COL25A1: variants seen among roughly 807,000 people sequenced by gnomAD.
COL25A1 encodes the protein collagen alpha-1(XXV) chain.
A neutral mutation model predicts 128.4 loss-of-function variants in COL25A1; 103 were observed. The observed-to-expected ratio is 0.80, with a 90% CI of 0.68 to 0.94. COL25A1 has a LOEUF of 0.94. Ranked by LOEUF, COL25A1 falls within the 40% of genes least tolerant of loss-of-function variation. The pLI, the probability that COL25A1 is intolerant of heterozygous loss-of-function variation, is 0.00. For synonymous variants in COL25A1, 279 were observed against 277.2 expected, an observed-to-expected ratio of 1.01 and a Z score of -0.06; for missense variants, 745 against 840.0, an observed-to-expected ratio of 0.89 and a Z score of 1.40.
At chr4:109,239,416 A>ATG (rs1358616855) in intron 3 of COL25A1, among the ~76,000 whole-genome samples, 2 of 135,658 alleles carry the variant, frequency 1.5e-5, no homozygotes, top group African/African-American at 2.8e-5. Context: ...ATATATATAT[A>ATG]TATATATTTA....
At chr4:108,863,851 A>C (rs1737560199) in intron 20 of COL25A1, among the ~76,000 whole-genome samples, 1 of 152,042 alleles carries the variant, frequency 6.6e-6, no homozygotes, top group Non-Finnish European at 1.5e-5. Context: ...GGATTTTGGG[A>C]CTTGTACCAG....
At chr4:108,855,191 G>GGTT (rs1736333336) in intron 24 of COL25A1, among the ~76,000 whole-genome samples, 1 of 131,950 alleles carries the variant, frequency 7.6e-6, no homozygotes, top group Non-Finnish European at 1.6e-5. Context: ...TGTTGTTACT[G>GGTT]TTTTTTTTTT....
intron 31 of COL25A1, among the ~76,000 whole-genome samples, chr4:108,832,973 T>TAATAAATAAATAAATA (rs67907672): frequency 0.32 from 33,795 of 105,858 alleles, 4,141 homozygotes; most frequent in East Asian, 0.46. Flanking sequence ...TCTCAAAAAA[T>TAATAAATAAATAAATA]AATAAATAAA....
intron 5 of COL25A1, among the ~76,000 whole-genome samples, chr4:109,029,433 A>G (rs1263761180): frequency 6.6e-6 from 1 of 152,224 alleles, no homozygotes; most frequent in Non-Finnish European, 1.5e-5. Context: ...GCATTTTGTC[A>G]TCTCACATCA....
chr4:108,928,455 CA>C (rs1746326566), intron 11 of COL25A1, among the ~76,000 whole-genome samples: 1 of 152,112 alleles, frequency 6.6e-6, no homozygotes, highest in African/African-American at 2.4e-5. Context: ...GGCTACTGAG[CA>C]CCTGAAATGT....
chr4:108,937,504 T>C (rs752051247), intron 11 of COL25A1, among the ~76,000 whole-genome samples: 2 of 152,178 alleles, frequency 1.3e-5, no homozygotes, highest in Non-Finnish European at 2.9e-5. Context: ...TTTAAGCTAA[T>C]AGGCATGCCC....
intron 6 of COL25A1, among the ~76,000 whole-genome samples, chr4:109,004,167 C>A (rs1331305844): frequency 6.6e-6 from 1 of 152,148 alleles, no homozygotes; most frequent in East Asian, 1.9e-4. Context: ...TCCCTAAGGT[C>A]TCCTTTCTTA....
intron 20 of COL25A1, among the ~76,000 whole-genome samples, chr4:108,866,235 C>T (rs1737903308): frequency 6.7e-6 from 1 of 149,406 alleles, no homozygotes; most frequent in Non-Finnish European, 1.5e-5. Flanking sequence ...CTCTGTCACC[C>T]AGGCTGGAGA....
intron 34 of COL25A1, among the ~76,000 whole-genome samples, chr4:108,824,723 G>A (rs547556791): frequency 6.6e-6 from 1 of 152,276 alleles, no homozygotes; most frequent in South Asian, 2.1e-4. Context: ...AGCAGTGATT[G>A]TGTCTAGAGG....
intron 3 of COL25A1, among the ~76,000 whole-genome samples, chr4:109,063,486 G>A (rs1762156766): frequency 6.9e-6 from 1 of 145,948 alleles, no homozygotes; most frequent in Admixed American, 7.1e-5. Flanking sequence ...CTGGGCAACA[G>A]AGCAAGACTC....
chr4:109,121,656 T>A (rs1768116170), intron 3 of COL25A1, among the ~76,000 whole-genome samples: 1 of 152,140 alleles, frequency 6.6e-6, no homozygotes, highest in Non-Finnish European at 1.5e-5. Flanking sequence ...CAGAAGGGAC[T>A]CTCATTCATT....
rs561416350 is a variant in COL25A1 at position 108,897,793 on chromosome 4, A to G, written c.862-1082T>C. ...GGGAGGGGGGAGAAAGGAAGTTGGG[A>G]AGGCAGACTTTCACTTTTTTCCTCT... On this transcript the variant is annotated intron_variant, in intron 15 of 37. Transcript: ENST00000399132. 2.6e-5 allele frequency among the ~76,000 whole-genome samples: 4 copies of G among 152,312 alleles called. No individual in the cohort carries two copies. In the South Asian group the frequency reaches 6.2e-4, roughly 24 times the overall value.
chr4:109,262,410 A>G (rs1261427226), intron 3 of COL25A1, among the ~76,000 whole-genome samples: 1 of 152,088 alleles, frequency 6.6e-6, no homozygotes, highest in Non-Finnish European at 1.5e-5. Context: ...GCTACTCGGG[A>G]GGCTGAGGCA....
chr4:109,085,719 A>G (rs572207465), intron 3 of COL25A1, among the ~76,000 whole-genome samples: 1 of 152,200 alleles, frequency 6.6e-6, no homozygotes, highest in South Asian at 2.1e-4. Context: ...CCCTTTGGGG[A>G]TTTGGCATCT....
chr4:108,850,928 T>C (rs1423234573), intron 26 of COL25A1, among the ~76,000 whole-genome samples: 1 of 152,114 alleles, frequency 6.6e-6, no homozygotes, highest in East Asian at 1.9e-4. Flanking sequence ...CTCTAGGCCT[T>C]TGGACTGTAG....
chr4:108,933,901 G>A (rs1161026892), intron 11 of COL25A1, among the ~76,000 whole-genome samples: 1 of 151,518 alleles, frequency 6.6e-6, no homozygotes, highest in Admixed American at 6.6e-5. Flanking sequence ...AAATTTCTAA[G>A]TTTCTAAGAA....
chr4:108,986,374 C>G (rs1392027148), intron 6 of COL25A1, among the ~76,000 whole-genome samples: 2 of 152,126 alleles, frequency 1.3e-5, no homozygotes, highest in African/African-American at 4.8e-5. Context: ...ACCTTGACCT[C>G]CTGATCAACC....
intron 3 of COL25A1, among the ~76,000 whole-genome samples, chr4:109,266,090 C>T (rs1172324838): frequency 6.6e-6 from 1 of 152,154 alleles, no homozygotes; most frequent in African/African-American, 2.4e-5. Context: ...AAAGCTTGAA[C>T]TTGAATAAGA....
rs77705355 is a variant in COL25A1 at position 108,924,612 on chromosome 4, T to C, written c.709-4008A>G. Among the ~76,000 whole-genome samples, 615 of 152,322 alleles carry C rather than the reference T, an allele frequency of 4.0e-3. 13 individuals carry two copies. The East Asian group carries it at 0.061, about 15-fold the overall frequency. ...TTGCTACATTCCTGTTAAACCCATT[T>C]CTTGCTCCCTTAGCTAACGTAACGT... On this transcript the variant is annotated intron_variant, in intron 11 of 37. Transcript: ENST00000399132.
Sources: allele counts gnomAD v4.1 joint callset (sites outside exome capture counted in the v4.1 genomes callset), GRCh38; gene constraint gnomAD v4.1.1; transcripts MANE v1.5; gene names NCBI Gene and HGNC (gene_info 2026-07-23, HGNC 2026-07-21).